The following SGMS1 variants were observed in gnomAD, a reference collection of about 807,000 sequenced individuals.
SGMS1 encodes phosphatidylcholine:ceramide cholinephosphotransferase 1.
Under a neutral mutation model 46.2 loss-of-function variants are expected in SGMS1, and 13 were observed. That is an observed-to-expected ratio of 0.28 (90% CI 0.18 to 0.45). The LOEUF (loss-of-function observed/expected upper bound fraction) is 0.45, where lower values mean the gene tolerates loss of function less well. SGMS1 is among the 20% of genes least tolerant of loss of function. The pLI is 1.00. For synonymous variants in SGMS1, 203 were observed against 187.8 expected, an observed-to-expected ratio of 1.08 and a Z score of -0.66; for missense variants, 324 against 519.9, an observed-to-expected ratio of 0.62 and a Z score of 3.66.
intron 5 of SGMS1, among the ~76,000 whole-genome samples, chr10:50,451,966 T>TAA (rs1025776312): frequency 6.6e-5 from 10 of 152,110 alleles, no homozygotes; most frequent in African/African-American, 2.2e-4. Flanking sequence ...TAACACTGAG[T>TAA]AAAAGGACTA....
At chr10:50,582,960 C>T (rs1838448686) in intron 2 of SGMS1, among the ~76,000 whole-genome samples, 1 of 152,244 alleles carries the variant, frequency 6.6e-6, no homozygotes, top group Admixed American at 6.5e-5. Context: ...GAAGAGGACA[C>T]TTGCTCCCCT....
chr10:50,378,710 T>C (rs1848556549), intron 6 of SGMS1, among the ~76,000 whole-genome samples: 1 of 152,168 alleles, frequency 6.6e-6, no homozygotes, highest in South Asian at 2.1e-4. Context: ...AATGAATAAG[T>C]GGATTTTTTA....
chr10:50,337,771 A>G (rs1211339185), intron 7 of SGMS1, among the ~76,000 whole-genome samples: 1 of 152,004 alleles, frequency 6.6e-6, no homozygotes, highest in Non-Finnish European at 1.5e-5. Context: ...ATTAGATTCC[A>G]TTCACAGAAG....
chr10:50,598,584 C>T (rs553308543), intron 1 of SGMS1, among the ~76,000 whole-genome samples: 1 of 152,156 alleles, frequency 6.6e-6, no homozygotes, highest in African/African-American at 2.4e-5. Context: ...ATGTGAGGGT[C>T]ATATAGCTCT....
intron 1 of SGMS1, among the ~76,000 whole-genome samples, chr10:50,608,882 A>G (rs1430124419): frequency 2.0e-5 from 3 of 152,218 alleles, no homozygotes; most frequent in Admixed American, 2.0e-4. Context: ...ATATTTGCAT[A>G]TAACCTACAC....
rs1331418968 is a variant in SGMS1, at chr10:50,576,568, A to AT, written c.-589+13584dup. On this transcript the variant is annotated intron_variant, in intron 2 of 10. Coordinates refer to ENST00000361781, the MANE Select transcript of SGMS1 (RefSeq NM_147156.4). The stretch of plus-strand genomic sequence containing the variant: ...TCATTCATGCTCTGTCTGAAGAACA[A>AT]TTTTTCCCATAGAAAAGCTGGGCAC... 2.6e-5 allele frequency among the ~76,000 whole-genome samples: 4 copies of AT among 152,182 alleles called. No individual in the cohort carries two copies. In the East Asian group the frequency reaches 7.7e-4, roughly 29 times the overall value.
chr10:50,463,998 G>A (rs1478079500), intron 4 of SGMS1, among the ~76,000 whole-genome samples: 4 of 152,160 alleles, frequency 2.6e-5, no homozygotes, highest in African/African-American at 9.7e-5. Flanking sequence ...AAGGTGGTTC[G>A]TAAGGTGGTT....
chr10:50,308,501 T>A (rs959075579), intron 9 of SGMS1, among the ~76,000 whole-genome samples: 1 of 152,072 alleles, frequency 6.6e-6, no homozygotes, highest in Non-Finnish European at 1.5e-5. Flanking sequence ...TAATTTGGGG[T>A]TGATGCTCTA....
chr10:50,565,429 T>G (rs552233837), intron 2 of SGMS1, among the ~76,000 whole-genome samples: 4 of 152,146 alleles, frequency 2.6e-5, no homozygotes, highest in Non-Finnish European at 5.9e-5. Flanking sequence ...GAACAGAAAG[T>G]AAGCAGCACC....
chr10:50,515,393 C>G (rs1384674560), intron 3 of SGMS1, among the ~76,000 whole-genome samples: 1 of 152,192 alleles, frequency 6.6e-6, no homozygotes, highest in Non-Finnish European at 1.5e-5. Context: ...GGAAAAGAAA[C>G]AGCACTCAGG....
chr10:50,571,846 G>C (rs1838339572), intron 2 of SGMS1, among the ~76,000 whole-genome samples: 1 of 151,984 alleles, frequency 6.6e-6, no homozygotes, highest in Non-Finnish European at 1.5e-5. Context: ...TCCTCATTTT[G>C]CAGGTAAGAA....
intron 3 of SGMS1, 59 bp downstream of exon 3, chr10:50,519,771 AC>A (rs1837841862): frequency 6.6e-6 from 1 of 152,398 alleles, no homozygotes; most frequent in Non-Finnish European, 1.5e-5. Context: ...AAGAGTGATT[AC>A]AAGGAACTTC....
chr10:50,353,711 T>C, intron 6 of SGMS1, among the ~76,000 whole-genome samples: 1 of 152,252 alleles, frequency 6.6e-6, no homozygotes, highest in African/African-American at 2.4e-5. Context: ...GCCCAAAATC[T>C]CCTTAAGCTG....
chr10:50,618,409 A>T (rs1256572982), intron 1 of SGMS1, among the ~76,000 whole-genome samples: 1 of 152,246 alleles, frequency 6.6e-6, no homozygotes, highest in Non-Finnish European at 1.5e-5. Context: ...GTTGATAAAC[A>T]GAAGACAGGA....
At chr10:50,332,746 CTGAG>C (rs1472123611) in intron 7 of SGMS1, among the ~76,000 whole-genome samples, 2 of 151,096 alleles carry the variant, frequency 1.3e-5, no homozygotes, top group African/African-American at 4.9e-5. Flanking sequence ...CCTCAGCCTC[CTGAG>C]TATCTGGGAT....
intron 6 of SGMS1, among the ~76,000 whole-genome samples, chr10:50,415,788 T>C (rs1391325633): frequency 6.6e-6 from 1 of 152,198 alleles, no homozygotes; most frequent in African/African-American, 2.4e-5. Flanking sequence ...GAACTCACCA[T>C]TCTTAAAACA....
At chr10:50,520,776 G>T (rs1258741905) in intron 2 of SGMS1, among the ~76,000 whole-genome samples, 3 of 152,194 alleles carry the variant, frequency 2.0e-5, no homozygotes, top group African/African-American at 7.2e-5. Context: ...AATGTATTTA[G>T]CACAGACAAC....
In SGMS1 at chr10:50,355,273, A is replaced by ACCGTCTT. The variant is rs577543986; in HGVS notation, c.-231-10929_-231-10928insAAGACGG. On this transcript the variant is annotated intron_variant, in intron 6 of 10. Transcript: ENST00000361781. ...GAATACTATGCAACCATAAAAAATG[A>ACCGTCTT]CCCTCTTCCCTCTTCCCTCTCCCTC... Among the ~76,000 whole-genome samples the ACCGTCTT allele has an allele frequency of 6.3e-3, 957 of 152,168 alleles. 9 individuals carry two copies. Among genetic ancestry groups the ACCGTCTT allele is most frequent in the African/African-American group, 0.022 (906 of 41,512 alleles).
At chr10:50,490,000 A>G (rs917614026) in intron 3 of SGMS1, among the ~76,000 whole-genome samples, 1 of 152,190 alleles carries the variant, frequency 6.6e-6, no homozygotes, top group Non-Finnish European at 1.5e-5. Context: ...AAATAAAAAT[A>G]AAAACGGCTT....
Sources: allele counts gnomAD v4.1 joint callset (sites outside exome capture counted in the v4.1 genomes callset), GRCh38; gene constraint gnomAD v4.1.1; transcripts MANE v1.5; gene names NCBI Gene and HGNC (gene_info 2026-07-23, HGNC 2026-07-21).